Variants in MED13L observed in about 807,000 individuals in gnomAD.
MED13L encodes the protein mediator of RNA polymerase II transcription subunit 13-like.
In MED13L, 7 loss-of-function variants were observed where a neutral mutation model predicts 220.9. The observed-to-expected ratio is 0.03, with a 90% confidence interval of 0.02 to 0.06. The LOEUF (loss-of-function observed/expected upper bound fraction) is 0.06. MED13L is among the 10% of genes least tolerant of loss of function. The pLI, the probability that MED13L is intolerant of heterozygous loss-of-function variation, is 1.00. For missense variants in MED13L, 1,965 were observed against 2,760.5 expected (o/e 0.71, Z 6.46); for synonymous variants, 1,011 against 1,015.2 (o/e 1.00, Z 0.08).
chr12:116,157,282 A>G (rs1432222061), intron 2 of MED13L, among the ~76,000 whole-genome samples: 1 of 152,170 alleles, frequency 6.6e-6, no homozygotes, highest in Non-Finnish European at 1.5e-5. Context: ...ATAGTTCACT[A>G]TACTAGAATT....
At chr12:116,135,025 C>G (rs1431475545) in intron 2 of MED13L, among the ~76,000 whole-genome samples, 1 of 151,990 alleles carries the variant, frequency 6.6e-6, no homozygotes. Context: ...AAAAATTATC[C>G]GGGTGTGGTG....
chr12:116,178,193 A>G (rs1880221844), intron 2 of MED13L, among the ~76,000 whole-genome samples: 1 of 152,174 alleles, frequency 6.6e-6, no homozygotes, highest in African/African-American at 2.4e-5. Flanking sequence ...AATAGAAGTC[A>G]CAGAATTTTC....
At position 116,277,504 on chromosome 12, in the gene MED13L, G is replaced by T. The variant is rs1336136391; in HGVS notation, c.-373C>A. ...GCGAGGGGAGGCGAGCCCCGGAGCC[G>T]CCGCCGCCGCCTCGGAGCCGCCGCC... On this transcript the variant is annotated 5_prime_UTR_variant, in exon 1 of 31. Coordinates refer to ENST00000281928, the MANE Select transcript of MED13L (RefSeq NM_015335.5). Among the ~76,000 whole-genome samples the T allele has an allele frequency of 6.7e-6, 1 of 148,636 alleles. No individual in the cohort carries two copies. Among genetic ancestry groups the T allele is most frequent in the African/African-American group, 2.4e-5 (1 of 40,882 alleles).
intron 2 of MED13L, among the ~76,000 whole-genome samples, chr12:116,113,533 T>C (rs1874261227): frequency 6.7e-6 from 1 of 149,884 alleles, no homozygotes; most frequent in Non-Finnish European, 1.5e-5. Context: ...TGCACGCCTG[T>C]TGTCCCAACT....
rs541049512 is a variant in MED13L, at chr12:116,095,495, T to C, written c.479+1174A>G. 1.1e-4 allele frequency among the ~76,000 whole-genome samples: 17 copies of C among 152,242 alleles called. No homozygotes were observed. The South Asian group carries it at 3.3e-3, about 30-fold the overall frequency. ...TCATTAAAGATTTAAGGCAGACAGG[T>C]TGAGTGAGAAGACTACTAATTAAGT... is the stretch of plus-strand genomic sequence containing the variant. On this transcript the variant is annotated intron_variant, in intron 4 of 30. Coordinates refer to ENST00000281928, the MANE Select transcript of MED13L (RefSeq NM_015335.5).
Position 115,983,306 on chromosome 12 carries a change from G to A in MED13L, c.4766C>T (p.Ser1589Leu), listed in dbSNP as rs758612829. The A allele has an allele frequency of 3.1e-6, 5 of 1,614,080 alleles. No homozygotes were observed. Among genetic ancestry groups the A allele is most frequent in the Non-Finnish European group, 3.4e-6 (4 of 1,180,046 alleles). Residue 1589 changes from serine (S) to leucine (L), a missense_variant, in exon 21 of 31, where the codon TCG becomes TTG. By Grantham distance (145) the Ser-to-Leu change is moderately radical (BLOSUM62 -2). Transcript: ENST00000281928. ...GCTAATACCAGGAGCAGAGGCAGAC[G>A]ATGAGACCGGTGGCACAGAGGAACC... ...ASGSSVPPVS[S>L]SASAPGISQI...
intron 2 of MED13L, among the ~76,000 whole-genome samples, chr12:116,198,081 A>G (rs1258991965): frequency 6.6e-6 from 1 of 152,186 alleles, no homozygotes; most frequent in Non-Finnish European, 1.5e-5. Context: ...CCAAAACATG[A>G]TGTTATTTGT....
intron 4 of MED13L, among the ~76,000 whole-genome samples, chr12:116,068,248 G>A (rs1330484726): frequency 2.0e-5 from 3 of 152,126 alleles, no homozygotes; most frequent in Admixed American, 2.0e-4. Flanking sequence ...ATACTAATGG[G>A]ACAACAAAGC....
In MED13L at chr12:115,975,657, A is replaced by C; in HGVS notation, c.5446T>G (p.Phe1816Val). ...KDKQTELGET[F>V]GEASQKYNVL... The stretch of plus-strand genomic sequence containing the variant: ...TTGTATTTCTGGCTCGCCTCACCAA[A>C]CGTCTCTCCCAGCTCTGTCTGCTTG... Residue 1816 changes from phenylalanine to valine, a missense_variant, in exon 24 of 31, where the codon TTT becomes GTT. Around this residue, in one of 10 missense-constraint regions of MED13L, gnomAD observed 510 missense variants for 620.4 expected, o/e 0.82. Transcript: ENST00000281928. 6.2e-7 allele frequency: 1 copy of C among 1,614,046 alleles called. No individual in the cohort carries two copies. Among genetic ancestry groups the C allele is most frequent in the South Asian group, 1.1e-5 (1 of 91,068 alleles).
intron 3 of MED13L, among the ~76,000 whole-genome samples, chr12:116,109,941 C>T (rs1873933221): frequency 1.3e-5 from 2 of 152,154 alleles, no homozygotes; most frequent in South Asian, 2.1e-4. Flanking sequence ...AATAACATAT[C>T]AACTGTAGTT....
intron 2 of MED13L, among the ~76,000 whole-genome samples, chr12:116,230,152 C>G (rs986829673): frequency 6.6e-5 from 10 of 152,128 alleles, no homozygotes; most frequent in African/African-American, 2.4e-4. Flanking sequence ...ACCTGTAATC[C>G]CAGCACTTTG....
intron 4 of MED13L, among the ~76,000 whole-genome samples, chr12:116,059,936 C>T (rs964739258): frequency 6.6e-6 from 1 of 152,064 alleles, no homozygotes; most frequent in Non-Finnish European, 1.5e-5. Context: ...ATAATACAAA[C>T]TGAAATATAC....
chr12:116,255,199 G>T (rs1470778278), intron 1 of MED13L, among the ~76,000 whole-genome samples: 1 of 152,074 alleles, frequency 6.6e-6, no homozygotes, highest in East Asian at 1.9e-4. Flanking sequence ...GTAGATCAAA[G>T]GAACTGAATA....
At chr12:116,111,132 G>A (rs989720786) in intron 3 of MED13L, among the ~76,000 whole-genome samples, 1 of 151,994 alleles carries the variant, frequency 6.6e-6, no homozygotes, top group Non-Finnish European at 1.5e-5. Flanking sequence ...AAATACTTAA[G>A]GGTAAAAAAG....
intron 1 of MED13L, among the ~76,000 whole-genome samples, chr12:116,243,755 C>A (rs866804971): frequency 1.6e-4 from 24 of 152,090 alleles, no homozygotes; most frequent in Admixed American, 1.2e-3. Context: ...GGAAAGAACA[C>A]TGGCTGGAAA....
intron 17 of MED13L, 79 bp downstream of exon 17, chr12:115,990,941 A>G (rs1592923126): frequency 4.7e-6 from 7 of 1,494,764 alleles, no homozygotes; most frequent in Non-Finnish European, 6.4e-6. Flanking sequence ...ATTTTTTGTC[A>G]AATACAGTAA....
At chr12:116,118,994 A>G (rs1013198031) in intron 2 of MED13L, among the ~76,000 whole-genome samples, 2 of 152,144 alleles carry the variant, frequency 1.3e-5, no homozygotes, top group Non-Finnish European at 2.9e-5. Flanking sequence ...TTATGTGCCA[A>G]GCTTTGAATT....
At chr12:116,055,266 A>C (rs1392408850) in intron 4 of MED13L, among the ~76,000 whole-genome samples, 1 of 152,204 alleles carries the variant, frequency 6.6e-6, no homozygotes, top group Non-Finnish European at 1.5e-5. Flanking sequence ...AAAGTTGATA[A>C]AGCTAAACAC....
chr12:116,002,121 T>TA (rs920698341), intron 14 of MED13L, among the ~76,000 whole-genome samples: 1 of 152,226 alleles, frequency 6.6e-6, no homozygotes, highest in Non-Finnish European at 1.5e-5. Flanking sequence ...AATGTTTAAC[T>TA]AAAAAAACTA....
Sources: gnomAD v4.1 joint callset for allele counts (sites outside exome capture counted in the v4.1 genomes callset) on GRCh38, gnomAD v4.1.1 for gene constraint, gnomAD v4.1.1 regional missense constraint, MANE v1.5 for transcripts, NCBI Gene and HGNC (gene_info 2026-07-23, HGNC 2026-07-21) for gene names.